DNAH1: variants seen among roughly 807,000 people sequenced by gnomAD.
DNAH1 encodes dynein axonemal heavy chain 1.
In DNAH1, 327 loss-of-function variants were observed where a neutral mutation model predicts 484.3. The observed-to-expected ratio is 0.68, with a 90% confidence interval of 0.62 to 0.74. The LOEUF is 0.74. Ranked by LOEUF, DNAH1 falls within the 30% of genes least tolerant of loss-of-function variation. DNAH1 has a pLI of 0.00. For missense variants in DNAH1, 5,052 were observed against 5,546.8 expected (o/e 0.91, Z 2.83); for synonymous variants, 2,192 against 2,191.9 (o/e 1.00, Z 0.00).
At chr3:52,351,141 C>T (rs371295624) in intron 16 of DNAH1, among the ~76,000 whole-genome samples, 6 of 152,254 alleles carry the variant, frequency 3.9e-5, no homozygotes, top group East Asian at 1.9e-4. Flanking sequence ...TGAGCCACCG[C>T]GCCCAGCCTG....
chr3:52,395,165 C>G lies in DNAH1; in HGVS notation c.10968+106C>G, dbSNP rs897323728. 8.4e-5 allele frequency: 126 copies of G among 1,500,866 alleles called. No homozygotes were observed. In the Middle Eastern group the frequency reaches 1.2e-3, roughly 15 times the overall value. The allele number at this position is 1,500,866 out of a possible 1,614,324, so 93.0% of individuals were successfully genotyped here. A position where few individuals can be genotyped will look rare whatever the true frequency, so the allele number is the denominator to read the frequency against. On this transcript the variant is annotated intron_variant, in intron 68 of 77. Coordinates refer to ENST00000420323, the MANE Select transcript of DNAH1 (RefSeq NM_015512.5). The surrounding 1 kb of genome is among the most constrained non-coding windows in gnomAD (Gnocchi z 4.4). Reference sequence around the variant, plus strand: ...AGACTACTTGGCCAGGCCAGGACCCCTGCTTGCTCCCTAAAGGCTCTGAGG... The same window carrying G: ...AGACTACTTGGCCAGGCCAGGACCCGTGCTTGCTCCCTAAAGGCTCTGAGG...
upstream of DNAH1, among the ~76,000 whole-genome samples, chr3:52,313,944 C>T (rs1700871123): frequency 1.3e-5 from 2 of 152,116 alleles, no homozygotes. Context: ...TCAGAATAAT[C>T]CAGGCCTCCT....
chr3:52,399,502 G>A (rs532029721), intron 76 of DNAH1, 43 bp from the exon 77 acceptor site: 11 of 1,521,616 alleles, frequency 7.2e-6, no homozygotes, highest in Non-Finnish European at 9.8e-6. Context: ...CCCAGATTCT[G>A]GGTATTGTTA....
Position 52,400,330 on chromosome 3 carries a change from C to CT in DNAH1, c.12683dup (p.Ser4229IlefsTer?). On this transcript the variant is annotated frameshift_variant, in exon 78 of 78. Coordinates refer to ENST00000420323, the MANE Select transcript of DNAH1 (RefSeq NM_015512.5). LOFTEE classifies it high-confidence loss of function. ...CCCCTCCTTGCCCATTCCAGGAACACTATCAACCACAGGACACTCTACCAA... is the reference window on the plus strand; with the variant it reads ...CCCCTCCTTGCCCATTCCAGGAACACTTATCAACCACAGGACACTCTACCAA... 1 of 1,614,010 alleles carries CT rather than the reference C, an allele frequency of 6.2e-7. No individual in the cohort carries two copies. The highest frequency in any genetic ancestry group is 8.5e-7 in the Non-Finnish European group (1 of 1,179,868).
chr3:52,400,466 G>C lies in DNAH1; in HGVS notation c.*20G>C. ...TACTAGACTCAGACAGAAGGGCTGG[G>C]GCCATTAAAGCTGAATTTTCTAAGC... is the stretch of plus-strand genomic sequence containing the variant. On this transcript the variant is annotated 3_prime_UTR_variant, in exon 78 of 78. Transcript: ENST00000420323. 1 of 1,613,874 alleles carries C rather than the reference G, an allele frequency of 6.2e-7. No homozygotes were observed. The highest frequency in any genetic ancestry group is 8.5e-7 in the Non-Finnish European group (1 of 1,179,784).
chr3:52,315,831 A>G (rs17327818), upstream of DNAH1, among the ~76,000 whole-genome samples: 4,242 of 152,300 alleles, frequency 0.028, 84 homozygotes, highest in Middle Eastern at 0.051. Context: ...AAGACAGCAC[A>G]TTAGAGGGTA....
intron 5 of DNAH1, 51 bp from the exon 6 acceptor site, chr3:52,327,831 G>A: frequency 1.2e-6 from 2 of 1,602,324 alleles, no homozygotes; most frequent in African/African-American, 2.7e-5. Context: ...GTCCCACCTG[G>A]GCCCCACTAG....
intron 3 of DNAH1, among the ~76,000 whole-genome samples, chr3:52,324,304 AG>A: frequency 6.6e-6 from 1 of 152,284 alleles, no homozygotes; most frequent in African/African-American, 2.4e-5. Flanking sequence ...TCCCTGCTGA[AG>A]GAGGAAAGGG....
Position 52,353,723 on chromosome 3 carries a change from G to T in DNAH1, c.3480+90G>T. 6.6e-7 allele frequency: 1 copy of T among 1,523,154 alleles called. No individual in the cohort carries two copies. 94.4% of individuals were successfully genotyped at this position (1,523,154 alleles called of 1,614,324 possible). A position where few individuals can be genotyped will look rare whatever the true frequency, so the allele number is the denominator to read the frequency against. ...TCTGGCAACCACAGCCACTTGGGAG[G>T]ATGACAGTAATAAGCCCCATCCCTG... On this transcript the variant is annotated intron_variant, in intron 20 of 77. Transcript: ENST00000420323. This position sits in a 1 kb window ranked among gnomAD's most constrained non-coding sequence, Gnocchi z 5.0.
chr3:52,340,665 C>A (rs879389021), intron 8 of DNAH1, among the ~76,000 whole-genome samples: 2 of 151,206 alleles, frequency 1.3e-5, no homozygotes, highest in African/African-American at 2.4e-5. Context: ...GAACTCCTGA[C>A]CTCAGGTGAT....
In DNAH1 at chr3:52,323,791, C is replaced by T; in HGVS notation, c.334-17C>T. On this transcript the variant is annotated splice_polypyrimidine_tract_variant and intron_variant, in intron 2 of 77. Transcript: ENST00000420323. ...GGGAGGTTGACACATACTCAGGGCT[C>T]CATGGTTTGGTTTCAGGAGGTATGT... 1.3e-6 allele frequency: 2 copies of T among 1,583,600 alleles called. No individual in the cohort carries two copies. Among genetic ancestry groups the T allele is most frequent in the Non-Finnish European group, 1.7e-6 (2 of 1,164,366 alleles).
Position 52,362,869 on chromosome 3 carries a change from G to A in DNAH1, c.5095-126G>A. On this transcript the variant is annotated intron_variant, in intron 31 of 77. Coordinates refer to ENST00000420323, the MANE Select transcript of DNAH1 (RefSeq NM_015512.5). The surrounding 1 kb of genome is among the most constrained non-coding windows in gnomAD (Gnocchi z 5.1). Reference sequence around the variant, plus strand: ...AGCTACCAGTCTCAGGGGAGTGAAAGCCTCAGCTGTGGCAGGCTTGGTGCA... The same window carrying A: ...AGCTACCAGTCTCAGGGGAGTGAAAACCTCAGCTGTGGCAGGCTTGGTGCA... 7.4e-7 allele frequency: 1 copy of A among 1,345,590 alleles called. No individual in the cohort carries two copies. Among genetic ancestry groups the A allele is most frequent in the Non-Finnish European group, 1.0e-6 (1 of 964,544 alleles). The allele number at this position is 1,345,590 out of a possible 1,614,324, so 83.4% of individuals were successfully genotyped here.
chr3:52,380,006 C>A lies in DNAH1; in HGVS notation c.7479C>A (p.Leu2493=). 2 of 1,592,936 alleles carry A rather than the reference C, an allele frequency of 1.3e-6. No homozygotes were observed. The highest frequency in any genetic ancestry group is 2.3e-5 in the East Asian group (1 of 43,724). The change falls in exon 48 of 78, where the codon CTC becomes CTA. Residue 2493 remains leucine, a synonymous_variant. Coordinates refer to ENST00000420323, the MANE Select transcript of DNAH1 (RefSeq NM_015512.5). ...ACCGCAGCTGGTTCGACCAGCTCCT[C>A]AAGCGCTGCATGGAGCAGTGGGAGG... ...EEDRSWFDQL[L]KRCMEQWEVT... is the part of the protein sequence containing the mutation.
intron 28 of DNAH1, among the ~76,000 whole-genome samples, 191 bp from the exon 29 acceptor site, chr3:52,360,973 G>A (rs1702830060): frequency 6.6e-6 from 1 of 152,094 alleles, no homozygotes; most frequent in Non-Finnish European, 1.5e-5. Context: ...GGGCAGGGTG[G>A]TGAAATGGGA....
At chr3:52,311,227 G>C in the DNAH1 span, among the ~76,000 whole-genome samples, 1 of 152,170 alleles carries the variant, frequency 6.6e-6, no homozygotes. Flanking sequence ...TGGTTTGGAG[G>C]CCTAATACCT....
Position 52,395,301 on chromosome 3 carries a change from C to T in DNAH1, c.10969-7C>T, listed in dbSNP as rs1225484207. On this transcript the variant is annotated splice_region_variant and splice_polypyrimidine_tract_variant and intron_variant, in intron 68 of 77. Transcript: ENST00000420323. This position sits in a 1 kb window ranked among gnomAD's most constrained non-coding sequence, Gnocchi z 4.4. ...GGTGGTCTCAGCATCTCCCCCTGCC[C>T]TTGCAGACAGCCAATCTGTCAGTGG... is the stretch of plus-strand genomic sequence containing the variant. The T allele has an allele frequency of 6.2e-7, 1 of 1,612,874 alleles. No homozygotes were observed. Among genetic ancestry groups the T allele is most frequent in the South Asian group, 1.1e-5 (1 of 90,858 alleles).
At position 52,392,902 on chromosome 3, in the gene DNAH1, A is replaced by G. The variant is rs2153225627; in HGVS notation, c.10351A>G (p.Ile3451Val). Residue 3451 changes from isoleucine to valine, a missense_variant, in exon 65 of 78, where the codon ATC becomes GTC. Physicochemically the swap from Ile to Val is conservative, Grantham distance 29 (BLOSUM62 3). Transcript: ENST00000420323. ...GCGCATGGAGTACATACCCGTGGCC[A>G]TCCGCACCCAGATCCTCTTCTTCTG... is the stretch of plus-strand genomic sequence containing the variant. ...LTRMEYIPVA[I>V]RTQILFFCVS... is the part of the protein sequence containing the mutation. 2 of 1,610,596 alleles carry G rather than the reference A, an allele frequency of 1.2e-6. No individual in the cohort carries two copies. Among genetic ancestry groups the G allele is most frequent in the Non-Finnish European group, 1.7e-6 (2 of 1,178,838 alleles).
chr3:52,328,083 G>T, intron 6 of DNAH1, 69 bp downstream of exon 6: 2 of 1,581,380 alleles, frequency 1.3e-6, no homozygotes, highest in East Asian at 2.3e-5. Flanking sequence ...AGACTCCTGG[G>T]CTCCCCTGGG....
At chr3:52,386,986 TC>T in intron 56 of DNAH1, 133 bp downstream of exon 56, 2 of 956,864 alleles carry the variant, frequency 2.1e-6, no homozygotes, top group Non-Finnish European at 3.0e-6. Context: ...TCTCTCTCTG[TC>T]CACCTCCACA....
Sources: allele counts gnomAD v4.1 joint callset (sites outside exome capture counted in the v4.1 genomes callset), GRCh38; gene constraint gnomAD v4.1.1; non-coding constraint Gnocchi (gnomAD v3.1); transcripts MANE v1.5; gene names NCBI Gene and HGNC (gene_info 2026-07-23, HGNC 2026-07-21).